The following CSF3R variants were observed in gnomAD, a reference collection of about 807,000 sequenced individuals.
CSF3R encodes the protein granulocyte colony-stimulating factor receptor.
A neutral mutation model predicts 84.4 loss-of-function variants in CSF3R; 52 were observed. The ratio of observed to expected loss-of-function variants is 0.62; its 90% CI spans 0.49 to 0.78. The LOEUF (loss-of-function observed/expected upper bound fraction) is 0.78. CSF3R is among the 30% of genes least tolerant of loss of function. The pLI, the probability that CSF3R is intolerant of heterozygous loss-of-function variation, is 0.00. For synonymous variants in CSF3R, 384 were observed against 429.1 expected (o/e 0.89, Z 1.30); for missense variants, 890 against 1,055.7 (o/e 0.84, Z 2.17).
In CSF3R at chr1:36,468,947, C is replaced by G. The variant is rs368411334; in HGVS notation, c.1576+209G>C. 4.2e-5 allele frequency: 24 copies of G among 576,098 alleles called. 2 individuals carry two copies. The South Asian group carries it at 4.5e-4, about 11-fold the overall frequency. 35.7% of individuals were successfully genotyped at this position (576,098 alleles called of 1,614,324 possible). A position where few individuals can be genotyped will look rare whatever the true frequency, so the allele number is the denominator to read the frequency against. On this transcript the variant is annotated intron_variant, in intron 12 of 16. Transcript: ENST00000373106. ...TGCCAGGTTTGCTCCTTGAATTGTGCCAACTCCCTACTCAATTTCTATCCC... is the reference window on the plus strand; with the variant it reads ...TGCCAGGTTTGCTCCTTGAATTGTGGCAACTCCCTACTCAATTTCTATCCC...
rs1394245896 is a variant in CSF3R at position 36,472,469 on chromosome 1, C to T, written c.843+48G>A. ...GCCAGCTCGAGCCCGACTTACCCTGCCCCCTGCCCCCACCACCTCAGGCTC... is the reference window on the plus strand; with the variant it reads ...GCCAGCTCGAGCCCGACTTACCCTGTCCCCTGCCCCCACCACCTCAGGCTC... On this transcript the variant is annotated intron_variant, in intron 7 of 16. Coordinates refer to ENST00000373106, the MANE Select transcript of CSF3R (RefSeq NM_000760.4). The surrounding 1 kb of genome is among the most constrained non-coding windows in gnomAD (Gnocchi z 5.0). The T allele has an allele frequency of 1.9e-6, 3 of 1,613,620 alleles. No individual in the cohort carries two copies. Among genetic ancestry groups the T allele is most frequent in the African/African-American group, 2.7e-5 (2 of 74,916 alleles).
intron 5 of CSF3R, 44 bp from the exon 6 acceptor site, chr1:36,473,666 G>A (rs112515252): frequency 8.1e-6 from 13 of 1,613,850 alleles, no homozygotes; most frequent in African/African-American, 4.0e-5. Context: ...GGAAGAAAGC[G>A]AGGCTCCCTT....
At position 36,466,974 on chromosome 1, in the gene CSF3R, T is replaced by A; in HGVS notation, c.2041-147A>T. On this transcript the variant is annotated intron_variant, in intron 16 of 16. Transcript: ENST00000373106. The surrounding 1 kb of genome is among the most constrained non-coding windows in gnomAD (Gnocchi z 4.6). The stretch of plus-strand genomic sequence containing the variant: ...GGGTACCACTTGCAAAGCACTAGTA[T>A]GTTCCTCACACATGCCTGACACATG... The A allele has an allele frequency of 6.3e-7, 1 of 1,582,616 alleles. No homozygotes were observed.
chr1:36,469,283 C>A, intron 11 of CSF3R, 26 bp from the exon 12 acceptor site: 1 of 1,567,844 alleles, frequency 6.4e-7, no homozygotes, highest in Non-Finnish European at 8.8e-7. Context: ...GGGGTAGGCA[C>A]TTCTGTTAGG....
rs1014638625 is a variant in CSF3R at position 36,471,520 on chromosome 1, G to T, written c.1198C>A (p.Pro400Thr). The stretch of plus-strand genomic sequence containing the variant: ...AGGGCCACCTCCTGGGCTTCTGAAG[G>T]CAGGTGGAAGGTGCAGCTGAGCTCT... ...TTELSCTFHL[P>T]SEAQEVALVA... Residue 400 changes from proline to threonine, a missense_variant, in exon 10 of 17, where the codon CCT becomes ACT. Physicochemically the swap from Pro to Thr is conservative, Grantham distance 38. Coordinates refer to ENST00000373106, the MANE Select transcript of CSF3R (RefSeq NM_000760.4). 6.8e-6 allele frequency: 11 copies of T among 1,614,236 alleles called. No homozygotes were observed. Among genetic ancestry groups the T allele is most frequent in the Non-Finnish European group, 9.3e-6 (11 of 1,180,036 alleles).
chr1:36,471,703 A>T, intron 9 of CSF3R, 57 bp from the exon 10 acceptor site: 1 of 1,566,422 alleles, frequency 6.4e-7, no homozygotes, highest in Non-Finnish European at 8.8e-7. Context: ...TGAGTCAAGG[A>T]GAGCCTCTAG....
chr1:36,469,919 T>A, intron 10 of CSF3R, 79 bp from the exon 11 acceptor site: 1 of 1,488,556 alleles, frequency 6.7e-7, no homozygotes, highest in Non-Finnish European at 9.2e-7. Flanking sequence ...GTTCAAATCC[T>A]GGCTTTGCTA....
In CSF3R at chr1:36,467,991, C is replaced by G. The variant is rs1332240419; in HGVS notation, c.1724-29G>C. On this transcript the variant is annotated intron_variant, in intron 13 of 16. Transcript: ENST00000373106. The surrounding 1 kb of genome is among the most constrained non-coding windows in gnomAD (Gnocchi z 4.1). ...GGAGGGGTGTACGGTCAGCATAGGC[C>G]TGGATGGTAAAGCTGCCTCCGTGGC... 7 of 1,614,090 alleles carry G rather than the reference C, an allele frequency of 4.3e-6. No individual in the cohort carries two copies. The highest frequency in any genetic ancestry group is 5.1e-6 in the Non-Finnish European group (6 of 1,180,054).
rs1650291272 is a variant in CSF3R, at chr1:36,466,157, A to G, written c.*200T>C. 6.2e-6 allele frequency: 10 copies of G among 1,614,208 alleles called. No individual in the cohort carries two copies. In the East Asian group the frequency reaches 1.1e-4, roughly 18 times the overall value. The stretch of plus-strand genomic sequence containing the variant: ...GCCATTGGGTGGGGCTGGATGGAGC[A>G]TGATCTGGTCCTTAAAGTATGCAGA... On this transcript the variant is annotated 3_prime_UTR_variant, in exon 17 of 17. Transcript: ENST00000373106. This position sits in a 1 kb window ranked among gnomAD's most constrained non-coding sequence, Gnocchi z 4.6.
At chr1:36,469,129 T>C (rs1160244818) in intron 12 of CSF3R, 27 bp downstream of exon 12, 1 of 1,539,342 alleles carries the variant, frequency 6.5e-7, no homozygotes, top group Non-Finnish European at 9.0e-7. Context: ...GAGAGGATTC[T>C]GGAAAGGGGC....
intron 11 of CSF3R, among the ~76,000 whole-genome samples, 187 bp from the exon 12 acceptor site, chr1:36,469,444 G>T (rs1483805806): frequency 1.3e-5 from 2 of 152,190 alleles, no homozygotes; most frequent in Non-Finnish European, 2.9e-5. Flanking sequence ...CTAGAAGGGT[G>T]GCAGAGTCAG....
rs1169509563 is a variant in CSF3R at position 36,468,209 on chromosome 1, G to A, written c.1589C>T (p.Ala530Val). 2.5e-6 allele frequency: 4 copies of A among 1,592,792 alleles called. No individual in the cohort carries two copies. The highest frequency in any genetic ancestry group is 1.3e-5 in the African/African-American group (1 of 74,676). The change falls in exon 13 of 17, where the codon GCC (alanine) becomes GTC (valine). Residue 530 changes from alanine to valine, a missense_variant. Ala to Val is a moderately conservative substitution (Grantham distance 64). Coordinates refer to ENST00000373106, the MANE Select transcript of CSF3R (RefSeq NM_000760.4). ...AATGTGCTTTAGATGCAGCTCTGGG[G>A]CATGGGAGGGAGCTATGGGAAGAGA... ...AYSQEMAPSH[A>V]PELHLKHIGK...
chr1:36,467,098 G>A lies in CSF3R; in HGVS notation c.2040+132C>T. 3 of 1,261,852 alleles carry A rather than the reference G, an allele frequency of 2.4e-6. No individual in the cohort carries two copies. The South Asian group carries it at 3.7e-5, about 16-fold the overall frequency. The allele number at this position is 1,261,852 out of a possible 1,614,324, so 78.2% of individuals were successfully genotyped here. ...AGAGGTGGGATTCAAAGTTGGGTCT[G>A]CTTCAGTCCAAAGGGACGAGATGTT... On this transcript the variant is annotated intron_variant, in intron 16 of 16. Transcript: ENST00000373106. This position sits in a 1 kb window ranked among gnomAD's most constrained non-coding sequence, Gnocchi z 4.1.
At chr1:36,477,693 G>A (rs1651243235) in intron 3 of CSF3R, 1 of 152,146 alleles carries the variant, frequency 6.6e-6, no homozygotes, top group South Asian at 2.1e-4. Flanking sequence ...AGGAGAAGCA[G>A]TTTGCCCAGG....
chr1:36,473,253 TG>T, intron 6 of CSF3R, 181 bp downstream of exon 6: 1 of 658,076 alleles, frequency 1.5e-6, no homozygotes, highest in Non-Finnish European at 2.6e-6. Context: ...TTCCTGTCTC[TG>T]GGTCTGTGTC....
Position 36,466,535 on chromosome 1 carries a change from G to T in CSF3R, c.2333C>A (p.Ala778Glu), listed in dbSNP as rs759549054. ...GGACTTGGGGCTGGGGGTGAGGCCC[G>T]CCAAGAGGGGCTGAGTGGAGTCACA... ...LRCDSTQPLL[A>E]GLTPSPKSYE... is the part of the protein sequence containing the mutation. The change falls in exon 17 of 17, where the codon GCG becomes GAG. Residue 778 changes from alanine to glutamate, a missense_variant. Ala to Glu is a moderately radical substitution (Grantham distance 107). Transcript: ENST00000373106. This position sits in a 1 kb window ranked among gnomAD's most constrained non-coding sequence, Gnocchi z 4.6. 1.2e-6 allele frequency: 2 copies of T among 1,608,880 alleles called. No individual in the cohort carries two copies. Among genetic ancestry groups the T allele is most frequent in the Admixed American group, 1.7e-5 (1 of 59,462 alleles).
chr1:36,479,671 G>T (rs1173816848), intron 2 of CSF3R, among the ~76,000 whole-genome samples, 155 bp from the exon 3 acceptor site: 1 of 151,676 alleles, frequency 6.6e-6, no homozygotes, highest in Non-Finnish European at 1.5e-5. Context: ...TACTGCATGG[G>T]ACTTTGAGAG....
chr1:36,469,950 T>G, intron 10 of CSF3R, 110 bp from the exon 11 acceptor site: 1 of 1,157,900 alleles, frequency 8.6e-7, no homozygotes, highest in Non-Finnish European at 1.3e-6. Context: ...GGGTGACCTT[T>G]GGTAGGTCAA....
chr1:36,471,304 C>T (rs1216091464), intron 10 of CSF3R, 129 bp downstream of exon 10: 25 of 956,748 alleles, frequency 2.6e-5, no homozygotes, highest in Non-Finnish European at 2.9e-5. Flanking sequence ...ACCTCGGCCT[C>T]CCAAAGTGCT....
Sources: gnomAD v4.1 joint callset for allele counts (sites outside exome capture counted in the v4.1 genomes callset) on GRCh38, gnomAD v4.1.1 for gene constraint, Gnocchi (gnomAD v3.1) non-coding constraint, MANE v1.5 for transcripts, NCBI Gene and HGNC (gene_info 2026-07-23, HGNC 2026-07-21) for gene names.